The following HCN2 variants were observed in gnomAD, a reference collection of about 807,000 sequenced individuals.
HCN2 encodes the protein hyperpolarization activated cyclic nucleotide gated potassium and sodium channel 2.
HCN2 carries 20 observed loss-of-function variants against 52.3 expected under a neutral mutation model. The observed-to-expected ratio is 0.38, with a 90% CI of 0.27 to 0.56. The LOEUF is 0.56. Ranked by LOEUF, HCN2 falls within the 20% of genes least tolerant of loss-of-function variation. The pLI is 0.71. For missense variants in HCN2, 981 were observed against 1,207.7 expected, an observed-to-expected ratio of 0.81 and a Z score of 2.78; for synonymous variants, 694 against 537.0, an observed-to-expected ratio of 1.29 and a Z score of -4.04.
intron 1 of HCN2, among the ~76,000 whole-genome samples, chr19:595,291 AC>A (rs1982993369): frequency 2.1e-5 from 1 of 48,528 alleles, no homozygotes; most frequent in African/African-American, 8.3e-5. Context: ...CTCACCCCCC[AC>A]CCCACGGTTC....
chr19:611,461 A>C (rs1983634518), intron 5 of HCN2, among the ~76,000 whole-genome samples: 2 of 151,988 alleles, frequency 1.3e-5, no homozygotes, highest in African/African-American at 4.8e-5. Flanking sequence ...GGGCTGGAGG[A>C]GCTGGGCGAG....
At chr19:615,075 G>T (rs1389408241) in intron 7 of HCN2, among the ~76,000 whole-genome samples, 1 of 152,148 alleles carries the variant, frequency 6.6e-6, no homozygotes, top group Non-Finnish European at 1.5e-5. Context: ...CAGGTGCTCA[G>T]CACAGGCTGT....
intron 6 of HCN2, 65 bp downstream of exon 6, chr19:613,553 AG>A: frequency 1.8e-6 from 1 of 569,336 alleles, no homozygotes; most frequent in Non-Finnish European, 2.6e-6. Context: ...GTGCAGAGCC[AG>A]GGGGCCGGGG....
chr19:595,663 G>T (rs190347896), intron 1 of HCN2, among the ~76,000 whole-genome samples: 1 of 152,160 alleles, frequency 6.6e-6, no homozygotes, highest in Non-Finnish European at 1.5e-5. Flanking sequence ...TGTGGTCATC[G>T]TGTGCCCCGG....
chr19:590,417 A>C lies in HCN2; in HGVS notation c.472A>C (p.Ser158Arg), dbSNP rs1301242712. 7.1e-7 allele frequency: 1 copy of C among 1,409,484 alleles called. No individual in the cohort carries two copies. The highest frequency in any genetic ancestry group is 9.4e-7 in the Non-Finnish European group (1 of 1,068,974). The allele number at this position is 1,409,484 out of a possible 1,614,324, so 87.3% of individuals were successfully genotyped here. A position where few individuals can be genotyped will look rare whatever the true frequency, so the allele number is the denominator to read the frequency against. The change falls in exon 1 of 8, where the codon AGC becomes CGC. Residue 158 changes from serine (S) to arginine (R), a missense_variant. Transcript: ENST00000251287. The surrounding 1 kb of genome is among the most constrained non-coding windows in gnomAD (Gnocchi z 7.2). ...EAGPAGEPRG[S>R]QASFMQRQFG... is the part of the protein sequence containing the mutation. ...GGGCCCGGCGGGGGAGCCGCGCGGC[A>C]GCCAGGCCAGCTTCATGCAGCGCCA...
At chr19:595,094 C>T (rs1982985204) in intron 1 of HCN2, among the ~76,000 whole-genome samples, 1 of 151,714 alleles carries the variant, frequency 6.6e-6, no homozygotes, top group Non-Finnish European at 1.5e-5. Context: ...CCCAGCTACT[C>T]TGGAGGCTGA....
intron 1 of HCN2, among the ~76,000 whole-genome samples, chr19:597,107 C>A (rs557402997): frequency 1.3e-5 from 2 of 152,338 alleles, no homozygotes; most frequent in African/African-American, 4.8e-5. Flanking sequence ...AGGCCCAGCC[C>A]CACAAGGGAC....
At chr19:606,050 T>C (rs1032332784) in intron 3 of HCN2, among the ~76,000 whole-genome samples, 6 of 152,236 alleles carry the variant, frequency 3.9e-5, no homozygotes, top group African/African-American at 1.4e-4. Context: ...CTTAGCGCGT[T>C]TTCCAATGGA....
At chr19:604,303 G>C (rs1335498345) in intron 2 of HCN2, among the ~76,000 whole-genome samples, 1 of 146,600 alleles carries the variant, frequency 6.8e-6, no homozygotes, top group Non-Finnish European at 1.5e-5. Context: ...ATGGGGCTAT[G>C]AGAGATCTGG....
intron 1 of HCN2, among the ~76,000 whole-genome samples, chr19:595,025 AC>A (rs988435551): frequency 6.6e-6 from 1 of 150,936 alleles, no homozygotes; most frequent in Non-Finnish European, 1.5e-5. Context: ...ACATAGCAAG[AC>A]CCCCATCTCT....
intron 1 of HCN2, among the ~76,000 whole-genome samples, chr19:597,933 C>A (rs1983087689): frequency 6.6e-6 from 1 of 152,226 alleles, no homozygotes; most frequent in Non-Finnish European, 1.5e-5. Context: ...TTTCTCCTCG[C>A]CCCTCGTGGG....
At chr19:610,541 T>C (rs969882794) in intron 5 of HCN2, 136 bp downstream of exon 5, 4 of 729,016 alleles carry the variant, frequency 5.5e-6, no homozygotes, top group Non-Finnish European at 6.9e-6. Flanking sequence ...TAGACCTGCG[T>C]ACACACCCTC....
chr19:612,260 C>T (rs1026702068), intron 5 of HCN2, among the ~76,000 whole-genome samples: 11 of 152,196 alleles, frequency 7.2e-5, no homozygotes, highest in African/African-American at 1.9e-4. Flanking sequence ...ACGTTCCTGC[C>T]GTCCTTAGAA....
intron 2 of HCN2, among the ~76,000 whole-genome samples, chr19:604,625 G>A (rs1483402531): frequency 7.0e-6 from 1 of 142,258 alleles, no homozygotes; most frequent in Non-Finnish European, 1.5e-5. Context: ...GTTGTGCTGG[G>A]CGGGGTCAGG....
Position 613,979 on chromosome 19 carries a change from CT to C in HCN2, c.1955del (p.Phe652SerfsTer85). The C allele has an allele frequency of 6.9e-7, 1 of 1,458,086 alleles. No individual in the cohort carries two copies. Among genetic ancestry groups the C allele is most frequent in the South Asian group, 1.2e-5 (1 of 86,348 alleles). 90.3% of individuals were successfully genotyped at this position (1,458,086 alleles called of 1,614,324 possible). On this transcript the variant is annotated frameshift_variant, in exon 7 of 8. Transcript: ENST00000251287. LOFTEE classifies it low-confidence loss of function (END_TRUNC). ...AGGAGTACCCCATGATGCGGCGCGC[CT>C]TCGAGACGGTGGCCATCGACCGCCT... The part of the protein sequence containing the change: ...LEEYPMMRRA[F>X]ETVAIDRLDR...
chr19:590,109 C>T lies in HCN2; in HGVS notation c.164C>T (p.Pro55Leu). ...CCCGGGCCCGCGCCCCCCCAGCACCCGCCCCGGGCCGAGGCGTTGCCCCCG... is the reference window on the plus strand; with the variant it reads ...CCCGGGCCCGCGCCCCCCCAGCACCTGCCCCGGGCCGAGGCGTTGCCCCCG... The part of the protein sequence containing the change: ...PGPGPAPPQH[P>L]PRAEALPPEA... The change falls in exon 1 of 8, where the codon CCG becomes CTG. Residue 55 changes from proline to leucine, a missense_variant. Pro to Leu is a moderately conservative substitution (Grantham distance 98). Coordinates refer to ENST00000251287, the MANE Select transcript of HCN2 (RefSeq NM_001194.4). The surrounding 1 kb of genome is among the most constrained non-coding windows in gnomAD (Gnocchi z 7.2). 1.2e-6 allele frequency: 1 copy of T among 835,966 alleles called. No individual in the cohort carries two copies. Among genetic ancestry groups the T allele is most frequent in the Non-Finnish European group, 1.4e-6 (1 of 698,670 alleles). The allele number at this position is 835,966 out of a possible 1,614,324, so 51.8% of individuals were successfully genotyped here.
At position 590,523 on chromosome 19, in the gene HCN2, A is replaced by C; in HGVS notation, c.578A>C (p.Gln193Pro). The change falls in exon 1 of 8, where the codon CAG (glutamine) becomes CCG (proline). Residue 193 changes from glutamine (Q) to proline (P), a missense_variant. By Grantham distance (76) the Gln-to-Pro change is moderately conservative (BLOSUM62 -1). This residue lies in a region of HCN2 where 23 missense variants were observed against 20.3 expected (regional missense o/e 1.13). Transcript: ENST00000251287. This position sits in a 1 kb window ranked among gnomAD's most constrained non-coding sequence, Gnocchi z 7.2. ...FGSQKAVERE[Q>P]ERVKSAGAWI... ...AGCCAGAAGGCCGTGGAGCGCGAGCAGGAGCGCGTCAAGTCGGCGGGGGCC... is the reference window on the plus strand; with the variant it reads ...AGCCAGAAGGCCGTGGAGCGCGAGCCGGAGCGCGTCAAGTCGGCGGGGGCC... 1 of 1,514,386 alleles carries C rather than the reference A, an allele frequency of 6.6e-7. No individual in the cohort carries two copies. The highest frequency in any genetic ancestry group is 8.9e-7 in the Non-Finnish European group (1 of 1,125,018). 93.8% of individuals were successfully genotyped at this position (1,514,386 alleles called of 1,614,324 possible).
chr19:611,169 CG>C (rs1186514950), intron 5 of HCN2, among the ~76,000 whole-genome samples: 1 of 152,202 alleles, frequency 6.6e-6, no homozygotes, highest in Non-Finnish European at 1.5e-5. Flanking sequence ...TCACAGGAAC[CG>C]GGGGTCAGGA....
chr19:609,954 A>G (rs1983552403), intron 4 of HCN2, among the ~76,000 whole-genome samples: 2 of 152,218 alleles, frequency 1.3e-5, no homozygotes, highest in South Asian at 4.1e-4. Flanking sequence ...ATTTAAATAG[A>G]AGCATGTTTA....
Sources: gnomAD v4.1 joint callset for allele counts (sites outside exome capture counted in the v4.1 genomes callset) on GRCh38, gnomAD v4.1.1 for gene constraint, gnomAD v4.1.1 regional missense constraint, Gnocchi (gnomAD v3.1) non-coding constraint, MANE v1.5 for transcripts, NCBI Gene and HGNC (gene_info 2026-07-23, HGNC 2026-07-21) for gene names.